The following FNDC3A variants were observed in gnomAD, a reference collection of about 807,000 sequenced individuals.
The protein encoded by FNDC3A is fibronectin type-III domain-containing protein 3A.
A neutral mutation model predicts 148.9 loss-of-function variants in FNDC3A; 32 were observed. That is an observed-to-expected ratio of 0.21 (90% confidence interval 0.16 to 0.29). The LOEUF (loss-of-function observed/expected upper bound fraction) is 0.29. Among genes scored for constraint, FNDC3A ranks in the 10% least tolerant of loss-of-function variants. FNDC3A has a pLI of 1.00. For synonymous variants in FNDC3A, 472 were observed against 473.6 expected (o/e 1.00, Z 0.04); for missense variants, 1,191 against 1,452.8 (o/e 0.82, Z 2.93).
At chr13:49,122,848 A>T (rs932597398) in intron 4 of FNDC3A, among the ~76,000 whole-genome samples, 2 of 152,194 alleles carry the variant, frequency 1.3e-5, no homozygotes, top group African/African-American at 4.8e-5. Flanking sequence ...GAAATAAGAG[A>T]GGACACAAAC....
chr13:49,124,887 A>G (rs1425552244), intron 4 of FNDC3A, among the ~76,000 whole-genome samples: 1 of 152,214 alleles, frequency 6.6e-6, no homozygotes, highest in Admixed American at 6.5e-5. Context: ...CACTTCCGCT[A>G]TTTCAGTGAT....
At chr13:48,988,722 A>G (rs1218194357) in intron 1 of FNDC3A, among the ~76,000 whole-genome samples, 2 of 151,596 alleles carry the variant, frequency 1.3e-5, no homozygotes, top group Non-Finnish European at 2.9e-5. Context: ...ATGGTGGCAC[A>G]TGCCTGTAGT....
intron 8 of FNDC3A, among the ~76,000 whole-genome samples, chr13:49,147,121 T>C (rs1013622560): frequency 6.6e-6 from 1 of 152,244 alleles, no homozygotes; most frequent in African/African-American, 2.4e-5. Context: ...TGTGTTCTAT[T>C]CATTTTTCTT....
chr13:49,185,714 T>A (rs1885532470), intron 14 of FNDC3A, among the ~76,000 whole-genome samples: 1 of 152,194 alleles, frequency 6.6e-6, no homozygotes, highest in Non-Finnish European at 1.5e-5. Context: ...TCTTATTTAG[T>A]ATCAAAATAT....
chr13:49,136,665 G>A, intron 6 of FNDC3A, 64 bp downstream of exon 6: 1 of 1,484,728 alleles, frequency 6.7e-7, no homozygotes, highest in African/African-American at 1.4e-5. Context: ...CCTACTAAAA[G>A]TATATTCTAA....
intron 8 of FNDC3A, among the ~76,000 whole-genome samples, chr13:49,159,229 A>T (rs1394167059): frequency 6.6e-6 from 1 of 152,054 alleles, no homozygotes. Flanking sequence ...CATTTTCACG[A>T]TATTGATTCT....
intron 2 of FNDC3A, among the ~76,000 whole-genome samples, chr13:49,073,570 C>T (rs1207264407): frequency 1.3e-5 from 2 of 151,328 alleles, no homozygotes; most frequent in African/African-American, 2.4e-5. Flanking sequence ...TATGAAATTA[C>T]CTTCATGCTG....
At chr13:49,020,080 A>C (rs1873206012) in intron 2 of FNDC3A, among the ~76,000 whole-genome samples, 1 of 152,206 alleles carries the variant, frequency 6.6e-6, no homozygotes, top group African/African-American at 2.4e-5. Flanking sequence ...AGTGGTATTA[A>C]AATGGTTAAG....
intron 1 of FNDC3A, among the ~76,000 whole-genome samples, chr13:48,994,793 A>G (rs1951993807): frequency 6.6e-6 from 1 of 152,080 alleles, no homozygotes; most frequent in African/African-American, 2.4e-5. Context: ...AAAAAAAGAA[A>G]TATTTGCAAA....
At chr13:49,170,981 ATCTC>A (rs1333035989) in intron 10 of FNDC3A, among the ~76,000 whole-genome samples, 1 of 152,064 alleles carries the variant, frequency 6.6e-6, no homozygotes, top group African/African-American at 2.4e-5. Flanking sequence ...GAGACTTTTG[ATCTC>A]TCTCTTTGGA....
At chr13:49,130,988 A>C (rs1221673902) in intron 4 of FNDC3A, 149 bp from the exon 5 acceptor site, 4 of 627,038 alleles carry the variant, frequency 6.4e-6, no homozygotes, top group South Asian at 5.6e-5. Flanking sequence ...CTGTTCTCGA[A>C]CTCCTGACCC....
At chr13:48,996,343 C>T (rs1952023809) in intron 1 of FNDC3A, among the ~76,000 whole-genome samples, 1 of 152,138 alleles carries the variant, frequency 6.6e-6, no homozygotes, top group Non-Finnish European at 1.5e-5. Context: ...CTTTGGAGTA[C>T]AGTCAGCCTT....
At chr13:48,994,776 CAA>C (rs201947023) in intron 1 of FNDC3A, among the ~76,000 whole-genome samples, 3 of 120,922 alleles carry the variant, frequency 2.5e-5, no homozygotes, top group Non-Finnish European at 1.8e-5. Context: ...GACTCCATCT[CAA>C]AAAAAAAAAA....
chr13:49,111,540 A>G lies in FNDC3A; in HGVS notation c.176-3115A>G, dbSNP rs146527309. ...TAGGAGTTCAAGACCAGCCTGGCCA[A>G]CATGGTGAAACCCCGTCTCTACTAA... On this transcript the variant is annotated intron_variant, in intron 3 of 25. Transcript: ENST00000492622. Among the ~76,000 whole-genome samples, 394 of 152,208 alleles carry G rather than the reference A, an allele frequency of 2.6e-3. 10 individuals carry two copies. In the East Asian group the frequency reaches 0.042, roughly 16 times the overall value.
chr13:49,015,330 G>A (rs1409381655), intron 2 of FNDC3A, among the ~76,000 whole-genome samples: 1 of 152,126 alleles, frequency 6.6e-6, no homozygotes, highest in Non-Finnish European at 1.5e-5. Context: ...TTGTAAGTTG[G>A]ATTCCTAGGT....
chr13:48,980,208 A>G (rs1211483743), intron 1 of FNDC3A, among the ~76,000 whole-genome samples: 1 of 152,198 alleles, frequency 6.6e-6, no homozygotes, highest in Non-Finnish European at 1.5e-5. Flanking sequence ...CAGTGAAAAT[A>G]GCTACACAGT....
intron 10 of FNDC3A, among the ~76,000 whole-genome samples, 189 bp from the exon 11 acceptor site, chr13:49,171,854 T>G (rs994774395): frequency 6.6e-6 from 1 of 152,244 alleles, no homozygotes; most frequent in Non-Finnish European, 1.5e-5. Context: ...CTTCTTGCTT[T>G]CTTTCCTTAA....
At chr13:49,146,597 G>A (rs1883009419) in intron 8 of FNDC3A, 1 of 152,056 alleles carries the variant, frequency 6.6e-6, no homozygotes, top group Admixed American at 6.6e-5. Flanking sequence ...ATTAGCCAGG[G>A]GTGGTGGCAC....
intron 2 of FNDC3A, among the ~76,000 whole-genome samples, chr13:49,042,310 T>C (rs1322435632): frequency 6.6e-6 from 1 of 152,210 alleles, no homozygotes; most frequent in African/African-American, 2.4e-5. Context: ...CTCCTGGTTA[T>C]CTTTGATTAC....
Sources: allele counts gnomAD v4.1 joint callset (sites outside exome capture counted in the v4.1 genomes callset), GRCh38; gene constraint gnomAD v4.1.1; transcripts MANE v1.5; gene names NCBI Gene and HGNC (gene_info 2026-07-23, HGNC 2026-07-21).